Variants in UNC5D observed in about 807,000 individuals in gnomAD.
UNC5D encodes unc-5 netrin receptor D.
UNC5D carries 39 observed loss-of-function variants against 105.4 expected under a neutral mutation model. That is an observed-to-expected ratio of 0.37 (90% CI 0.29 to 0.48). The LOEUF is 0.48. Ranked by LOEUF, UNC5D falls within the 20% of genes least tolerant of loss-of-function variation. The pLI, the probability that UNC5D is intolerant of heterozygous loss-of-function variation, is 0.98. For missense variants in UNC5D, 991 were observed against 1,202.4 expected (o/e 0.82, Z 2.60); for synonymous variants, 452 against 450.4 (o/e 1.00, Z -0.04).
At chr8:35,278,570 G>A (rs1805931673) in intron 1 of UNC5D, among the ~76,000 whole-genome samples, 1 of 137,524 alleles carries the variant, frequency 7.3e-6, no homozygotes, top group African/African-American at 2.5e-5. Context: ...TTGTTGCTAG[G>A]GATGTAAATT....
chr8:35,386,717 T>A (rs963653270), intron 1 of UNC5D, among the ~76,000 whole-genome samples: 1 of 152,174 alleles, frequency 6.6e-6, no homozygotes, highest in Non-Finnish European at 1.5e-5. Flanking sequence ...TTATTTGTTA[T>A]CAAAAGTGGC....
chr8:35,339,068 G>T (rs1451333343), intron 1 of UNC5D, among the ~76,000 whole-genome samples: 1 of 152,126 alleles, frequency 6.6e-6, no homozygotes, highest in Non-Finnish European at 1.5e-5. Flanking sequence ...AAAAGAAAGA[G>T]AACTTAGAGA....
chr8:35,709,154 C>T (rs1281425391), intron 8 of UNC5D, among the ~76,000 whole-genome samples: 1 of 152,010 alleles, frequency 6.6e-6, no homozygotes, highest in Non-Finnish European at 1.5e-5. Context: ...CAGCAACTTA[C>T]TGAGTGCTGA....
chr8:35,561,353 C>T (rs1429246598), intron 2 of UNC5D, among the ~76,000 whole-genome samples: 1 of 152,138 alleles, frequency 6.6e-6, no homozygotes, highest in Non-Finnish European at 1.5e-5. Context: ...TGGAAAGGCC[C>T]TTGGCCACAT....
intron 1 of UNC5D, among the ~76,000 whole-genome samples, chr8:35,507,007 C>T (rs1268106355): frequency 7.0e-6 from 1 of 142,688 alleles, no homozygotes; most frequent in Admixed American, 7.0e-5. Context: ...AAGGTGTTTT[C>T]TTAGAGGTAA....
chr8:35,474,964 A>G lies in UNC5D; in HGVS notation c.104-74328A>G, dbSNP rs2129889846. ...GGTGAGTGAGGTCATTCATTATGTA[A>G]ATCACTTAGATCCTGGGAGGGTACA... is the stretch of plus-strand genomic sequence containing the variant. On this transcript the variant is annotated intron_variant, in intron 1 of 16. Coordinates refer to ENST00000404895, the MANE Select transcript of UNC5D (RefSeq NM_080872.4). Among the ~76,000 whole-genome samples the G allele has an allele frequency of 2.0e-5, 3 of 152,190 alleles. No homozygotes were observed. In the South Asian group the frequency reaches 6.2e-4, roughly 32 times the overall value.
chr8:35,429,056 ACATC>A (rs1181066474), intron 1 of UNC5D, among the ~76,000 whole-genome samples: 1 of 152,224 alleles, frequency 6.6e-6, no homozygotes, highest in Non-Finnish European at 1.5e-5. Flanking sequence ...TATGGTAGCT[ACATC>A]CATAAAAGTG....
chr8:35,783,986 T>TA (rs1395087841), intron 16 of UNC5D, among the ~76,000 whole-genome samples: 3 of 152,246 alleles, frequency 2.0e-5, no homozygotes, highest in African/African-American at 4.8e-5. Flanking sequence ...TAAGATTCTA[T>TA]AAAAAAATTT....
At chr8:35,576,910 G>A (rs997760450) in intron 3 of UNC5D, among the ~76,000 whole-genome samples, 3 of 152,114 alleles carry the variant, frequency 2.0e-5, no homozygotes, top group Non-Finnish European at 4.4e-5. Flanking sequence ...ACCGCGCCTG[G>A]CAACTAACAG....
intron 1 of UNC5D, among the ~76,000 whole-genome samples, chr8:35,320,212 G>A (rs1004530251): frequency 3.3e-5 from 5 of 152,014 alleles, no homozygotes; most frequent in Admixed American, 6.6e-5. Flanking sequence ...CGAAGTGGGG[G>A]TGGGGGGCAG....
At chr8:35,506,532 G>T (rs1812315987) in intron 1 of UNC5D, among the ~76,000 whole-genome samples, 1 of 152,222 alleles carries the variant, frequency 6.6e-6, no homozygotes, top group Non-Finnish European at 1.5e-5. Flanking sequence ...ATCATTCAGT[G>T]TCAGAGACAA....
intron 4 of UNC5D, among the ~76,000 whole-genome samples, chr8:35,671,672 T>TATTA: frequency 6.6e-6 from 1 of 152,204 alleles, no homozygotes; most frequent in East Asian, 1.9e-4. Context: ...GCAGTTGTTT[T>TATTA]ATTATATTAA....
chr8:35,310,313 G>C (rs1225692452), intron 1 of UNC5D, among the ~76,000 whole-genome samples: 1 of 152,096 alleles, frequency 6.6e-6, no homozygotes, highest in Non-Finnish European at 1.5e-5. Context: ...AAATTGTTAG[G>C]CTTTCAAGAA....
chr8:35,724,203 T>A, intron 9 of UNC5D: 1 of 1,510,562 alleles, frequency 6.6e-7, no homozygotes, highest in Non-Finnish European at 8.8e-7. Context: ...AAGACAATAT[T>A]AGTCTTACCA....
chr8:35,491,599 G>A (rs537755494), intron 1 of UNC5D, among the ~76,000 whole-genome samples: 1 of 150,326 alleles, frequency 6.7e-6, no homozygotes, highest in African/African-American at 2.5e-5. Flanking sequence ...ATACTCCAAG[G>A]AGTAGGCAAC....
At chr8:35,335,274 C>G (rs775858207) in intron 1 of UNC5D, among the ~76,000 whole-genome samples, 7 of 152,178 alleles carry the variant, frequency 4.6e-5, no homozygotes, top group Admixed American at 1.3e-4. Flanking sequence ...GTAATACTTT[C>G]AATCTCTTGG....
intron 11 of UNC5D, among the ~76,000 whole-genome samples, chr8:35,733,591 A>G (rs1477622259): frequency 6.6e-6 from 1 of 152,070 alleles, no homozygotes; most frequent in Non-Finnish European, 1.5e-5. Context: ...ACTCTCCATC[A>G]CCTCCACACA....
At chr8:35,645,165 A>G (rs1822974774) in intron 4 of UNC5D, among the ~76,000 whole-genome samples, 1 of 152,092 alleles carries the variant, frequency 6.6e-6, no homozygotes, top group Admixed American at 6.6e-5. Context: ...CACTGGTCTG[A>G]TTTAGCTGTC....
intron 1 of UNC5D, among the ~76,000 whole-genome samples, chr8:35,438,078 G>T (rs1165185210): frequency 4.0e-5 from 6 of 151,364 alleles, no homozygotes; most frequent in Admixed American, 2.0e-4. Flanking sequence ...GCCACCCTTT[G>T]TCCATTTTGG....
Sources: gnomAD v4.1 joint callset for allele counts (sites outside exome capture counted in the v4.1 genomes callset) on GRCh38, gnomAD v4.1.1 for gene constraint, MANE v1.5 for transcripts, NCBI Gene and HGNC (gene_info 2026-07-23, HGNC 2026-07-21) for gene names.